Variants in APBA1 observed in about 807,000 individuals in gnomAD.
APBA1 encodes amyloid beta precursor protein binding family A member 1, also known as amyloid-beta A4 precursor protein-binding family A member 1.
APBA1 carries 55 observed loss-of-function variants against 86.6 expected under a neutral mutation model. The ratio of observed to expected loss-of-function variants is 0.64; its 90% CI spans 0.51 to 0.80. The LOEUF (loss-of-function observed/expected upper bound fraction) is 0.80. APBA1 is among the 30% of genes least tolerant of loss of function. The pLI, the probability that APBA1 is intolerant of heterozygous loss-of-function variation, is 0.00. For missense variants in APBA1, 1,090 were observed against 1,183.0 expected, an observed-to-expected ratio of 0.92 and a Z score of 1.15; for synonymous variants, 511 against 493.9, an observed-to-expected ratio of 1.03 and a Z score of -0.46.
intron 1 of APBA1, among the ~76,000 whole-genome samples, chr9:69,578,045 AG>A (rs1458826139): frequency 6.6e-6 from 1 of 152,202 alleles, no homozygotes; most frequent in Non-Finnish European, 1.5e-5. Flanking sequence ...GCTGTGTTGA[AG>A]GTAAGTGTAA....
intron 1 of APBA1, among the ~76,000 whole-genome samples, chr9:69,586,221 G>C (rs560583070): frequency 6.6e-6 from 1 of 152,278 alleles, no homozygotes; most frequent in South Asian, 2.1e-4. Context: ...TCTACGTGCT[G>C]AATGTTGTGT....
At chr9:69,655,258 G>A (rs539978907) in intron 1 of APBA1, among the ~76,000 whole-genome samples, 1 of 152,230 alleles carries the variant, frequency 6.6e-6, no homozygotes, top group South Asian at 2.1e-4. Flanking sequence ...GAAGGAAGAA[G>A]TCATATTGCC....
At chr9:69,622,003 A>G (rs1822828797) in intron 1 of APBA1, among the ~76,000 whole-genome samples, 2 of 152,232 alleles carry the variant, frequency 1.3e-5, no homozygotes, top group South Asian at 2.1e-4. Context: ...AAGGATCTTA[A>G]AGATCACCTG....
At chr9:69,647,116 T>A (rs544663145) in intron 1 of APBA1, among the ~76,000 whole-genome samples, 2 of 152,334 alleles carry the variant, frequency 1.3e-5, no homozygotes, top group African/African-American at 4.8e-5. Context: ...ATAACAGCAA[T>A]ATAAAACCTC....
At chr9:69,583,225 T>C (rs112665635) in intron 1 of APBA1, among the ~76,000 whole-genome samples, 1,775 of 152,274 alleles carry the variant, frequency 0.012, 32 homozygotes, top group African/African-American at 0.04. Flanking sequence ...TTGCAAGCAG[T>C]TGTGGCTTTC....
Position 69,523,719 on chromosome 9 carries a change from A to G in APBA1, c.-69-6440T>C, listed in dbSNP as rs537700840. Among the ~76,000 whole-genome samples the G allele has an allele frequency of 1.1e-3, 166 of 151,852 alleles. 1 individual carries two copies. The highest frequency in any genetic ancestry group is 3.8e-3 in the African/African-American group (156 of 41,408). On this transcript the variant is annotated intron_variant, in intron 1 of 12. Transcript: ENST00000265381. ...TGGACTTAAATTCTACATTTGACCA[A>G]TTGGACCTAAAAGACATCTACGGAA...
chr9:69,433,929 AC>A (rs1834649800), intron 11 of APBA1, among the ~76,000 whole-genome samples: 1 of 148,514 alleles, frequency 6.7e-6, no homozygotes, highest in Non-Finnish European at 1.5e-5. Context: ...CTCCTGCCTC[AC>A]CCTCCTGAGT....
intron 2 of APBA1, among the ~76,000 whole-genome samples, chr9:69,493,573 A>C (rs2133863775): frequency 6.6e-6 from 1 of 152,228 alleles, no homozygotes; most frequent in South Asian, 2.1e-4. Context: ...ATGCTACAGG[A>C]CAGTAATCAT....
At chr9:69,655,165 C>A (rs755325211) in intron 1 of APBA1, among the ~76,000 whole-genome samples, 7 of 152,126 alleles carry the variant, frequency 4.6e-5, no homozygotes, top group Non-Finnish European at 1.0e-4. Context: ...TAAGAAAGTC[C>A]ATTTTCACCA....
At chr9:69,661,548 C>A (rs1823752295) in intron 1 of APBA1, among the ~76,000 whole-genome samples, 1 of 152,138 alleles carries the variant, frequency 6.6e-6, no homozygotes, top group South Asian at 2.1e-4. Context: ...CTTGCCACCC[C>A]ACAGGGCCAA....
chr9:69,615,170 G>A lies in APBA1; in HGVS notation c.-70+56983C>T, dbSNP rs533311640. ...AGCCGAGATCACGCCACTGCGTTCC[G>A]GCCTGGGCGACAGAGTGAGACCCTG... On this transcript the variant is annotated intron_variant, in intron 1 of 12. Transcript: ENST00000265381. Among the ~76,000 whole-genome samples, 5 of 152,268 alleles carry A rather than the reference G, an allele frequency of 3.3e-5. No homozygotes were observed. The East Asian group carries it at 7.7e-4, about 23-fold the overall frequency.
chr9:69,460,454 T>C (rs1423883688), intron 5 of APBA1, among the ~76,000 whole-genome samples: 1 of 152,196 alleles, frequency 6.6e-6, no homozygotes, highest in East Asian at 1.9e-4. Context: ...TCAGTTATAA[T>C]CTGCATAACT....
chr9:69,534,254 T>C (rs1836474577), intron 1 of APBA1, among the ~76,000 whole-genome samples: 1 of 152,170 alleles, frequency 6.6e-6, no homozygotes, highest in African/African-American at 2.4e-5. Flanking sequence ...ACTGAGTTCC[T>C]GCCCACCAAA....
chr9:69,442,290 C>T (rs150310115), intron 10 of APBA1, among the ~76,000 whole-genome samples: 2,452 of 152,284 alleles, frequency 0.016, 63 homozygotes, highest in African/African-American at 0.055. Context: ...GGTAAACAGA[C>T]CACACTGTTG....
rs1823970867 is a variant in APBA1, at chr9:69,672,367, C to T, written c.-284G>A. 1 of 155,200 alleles carries T rather than the reference C, an allele frequency of 6.4e-6. No individual in the cohort carries two copies. The highest frequency in any genetic ancestry group is 1.9e-4 in the East Asian group (1 of 5,284). The allele number at this position is 155,200 out of a possible 1,614,324, so 9.6% of individuals were successfully genotyped here. Reference sequence around the variant, plus strand: ...CAGCCGCTGCTCGGACCCCTCCGGTCTCGCGGCCCCACCCCCTTTCCCCAC... The same window carrying T: ...CAGCCGCTGCTCGGACCCCTCCGGTTTCGCGGCCCCACCCCCTTTCCCCAC... On this transcript the variant is annotated 5_prime_UTR_variant, in exon 1 of 13. Coordinates refer to ENST00000265381, the MANE Select transcript of APBA1 (RefSeq NM_001163.4).
intron 2 of APBA1, among the ~76,000 whole-genome samples, chr9:69,515,784 G>A (rs928279249): frequency 2.0e-5 from 3 of 151,470 alleles, no homozygotes; most frequent in African/African-American, 7.3e-5. Context: ...CTGATTTGAG[G>A]CCATCCTGCT....
At chr9:69,585,543 C>T (rs950590546) in intron 1 of APBA1, among the ~76,000 whole-genome samples, 1 of 152,148 alleles carries the variant, frequency 6.6e-6, no homozygotes, top group Non-Finnish European at 1.5e-5. Context: ...TCTCCCTTGG[C>T]CCAGGGGTAC....
At chr9:69,433,903 C>G (rs945682113) in intron 11 of APBA1, among the ~76,000 whole-genome samples, 4 of 151,710 alleles carry the variant, frequency 2.6e-5, no homozygotes, top group Admixed American at 1.3e-4. Flanking sequence ...CCTTTGCCTC[C>G]CGGGTTCAGG....
At chr9:69,451,023 T>C (rs1375230478) in intron 9 of APBA1, among the ~76,000 whole-genome samples, 1 of 152,198 alleles carries the variant, frequency 6.6e-6, no homozygotes, top group Non-Finnish European at 1.5e-5. Context: ...AATAGGTTTG[T>C]GTTGTTGAAG....
Sources: allele counts gnomAD v4.1 joint callset (sites outside exome capture counted in the v4.1 genomes callset), GRCh38; gene constraint gnomAD v4.1.1; transcripts MANE v1.5; gene names NCBI Gene and HGNC (gene_info 2026-07-23, HGNC 2026-07-21).